Variants in DPP10 observed in about 807,000 individuals in gnomAD.
DPP10 encodes the protein inactive dipeptidyl peptidase 10.
DPP10 carries 33 observed loss-of-function variants against 120.9 expected under a neutral mutation model. The ratio of observed to expected loss-of-function variants is 0.27; its 90% CI spans 0.21 to 0.37. The LOEUF is 0.37. DPP10 is among the 10% of genes least tolerant of loss of function. DPP10 has a pLI of 1.00. For missense variants in DPP10, 816 were observed against 942.8 expected (o/e 0.87, Z 1.76); for synonymous variants, 337 against 326.1 (o/e 1.03, Z -0.36).
intron 7 of DPP10, among the ~76,000 whole-genome samples, chr2:115,693,878 G>A (rs932840408): frequency 2.0e-5 from 3 of 152,014 alleles, no homozygotes; most frequent in African/African-American, 4.8e-5. Context: ...GGTGTTTAAT[G>A]TATGAAATAC....
At chr2:115,393,298 G>A (rs573069030) in intron 3 of DPP10, among the ~76,000 whole-genome samples, 166 of 123,302 alleles carry the variant, frequency 1.3e-3, no homozygotes, top group African/African-American at 4.8e-3. Flanking sequence ...GGGTGACAGA[G>A]GAAGACTGTC....
chr2:115,835,619 A>C (rs998238380), intron 21 of DPP10, among the ~76,000 whole-genome samples: 2 of 152,200 alleles, frequency 1.3e-5, no homozygotes, highest in Non-Finnish European at 2.9e-5. Flanking sequence ...AGGCATATTT[A>C]GGGTGAAATA....
At chr2:115,494,843 C>T (rs922755210) in intron 3 of DPP10, among the ~76,000 whole-genome samples, 11 of 151,948 alleles carry the variant, frequency 7.2e-5, no homozygotes, top group African/African-American at 2.7e-4. Flanking sequence ...AGAGTTTTTT[C>T]TACTTTTTGA....
At chr2:114,633,609 AT>A (rs1221964408) in intron 1 of DPP10, among the ~76,000 whole-genome samples, 3 of 149,834 alleles carry the variant, frequency 2.0e-5, no homozygotes, top group Non-Finnish European at 4.4e-5. Flanking sequence ...ATTTTATTTT[AT>A]TTTTTATTTA....
intron 5 of DPP10, among the ~76,000 whole-genome samples, chr2:115,644,643 G>T (rs2087080318): frequency 6.6e-6 from 1 of 151,560 alleles, no homozygotes; most frequent in African/African-American, 2.4e-5. Flanking sequence ...AGCTAGGCAT[G>T]GTGGCGTGCA....
At chr2:115,391,503 G>A (rs543302997) in intron 3 of DPP10, among the ~76,000 whole-genome samples, 10 of 152,210 alleles carry the variant, frequency 6.6e-5, no homozygotes, top group South Asian at 2.1e-4. Flanking sequence ...GGTGTCAGAC[G>A]AATCTGGATT....
At chr2:115,332,058 C>G (rs548317304) in intron 2 of DPP10, among the ~76,000 whole-genome samples, 111 of 152,084 alleles carry the variant, frequency 7.3e-4, no homozygotes, top group Non-Finnish European at 1.3e-3. Context: ...TGGTCCTGGA[C>G]TTTTTTTGGT....
At chr2:114,681,574 A>G (rs1037009348) in intron 1 of DPP10, among the ~76,000 whole-genome samples, 2 of 152,000 alleles carry the variant, frequency 1.3e-5, no homozygotes, top group Admixed American at 6.6e-5. Flanking sequence ...GGCCCTTTAA[A>G]TGAAATGCCT....
intron 1 of DPP10, among the ~76,000 whole-genome samples, chr2:115,231,120 T>A (rs1285027160): frequency 6.6e-6 from 1 of 152,090 alleles, no homozygotes; most frequent in African/African-American, 2.4e-5. Context: ...TGCATAACTG[T>A]GTTTTAAGTA....
intron 1 of DPP10, among the ~76,000 whole-genome samples, chr2:114,682,505 T>G (rs1322712787): frequency 1.3e-5 from 2 of 151,848 alleles, no homozygotes; most frequent in Admixed American, 6.6e-5. Flanking sequence ...TTTCTTATGC[T>G]TTCCATAGAC....
chr2:115,107,858 C>T (rs1397731799), intron 1 of DPP10, among the ~76,000 whole-genome samples: 1 of 151,978 alleles, frequency 6.6e-6, no homozygotes, highest in Non-Finnish European at 1.5e-5. Context: ...AAGACATTAT[C>T]TTTTATAAAA....
chr2:114,499,413 A>C (rs1458213432), intron 1 of DPP10, among the ~76,000 whole-genome samples: 1 of 152,176 alleles, frequency 6.6e-6, no homozygotes, highest in African/African-American at 2.4e-5. Flanking sequence ...CTCTTTGAAG[A>C]TGTCCTGCAA....
chr2:115,581,530 C>A (rs900146278), intron 5 of DPP10, among the ~76,000 whole-genome samples: 2 of 152,078 alleles, frequency 1.3e-5, no homozygotes, highest in Admixed American at 1.3e-4. Flanking sequence ...GCCGCTCATG[C>A]TACTATACTC....
At chr2:115,798,648 A>G (rs1684815109) in intron 19 of DPP10, among the ~76,000 whole-genome samples, 1 of 152,110 alleles carries the variant, frequency 6.6e-6, no homozygotes, top group South Asian at 2.1e-4. Context: ...GTTCCCTACT[A>G]AAAATTACAG....
In DPP10 at chr2:115,502,841, G is replaced by T. The variant is rs181407583; in HGVS notation, c.366+3237G>T. 3.0e-3 allele frequency among the ~76,000 whole-genome samples: 449 copies of T among 149,882 alleles called. 2 individuals carry two copies. Among genetic ancestry groups the T allele is most frequent in the African/African-American group, 0.011 (430 of 40,826 alleles). On this transcript the variant is annotated intron_variant, in intron 4 of 25. Coordinates refer to ENST00000410059, the MANE Select transcript of DPP10 (RefSeq NM_020868.6). Reference sequence around the variant, plus strand: ...CCTGAGTAGCTAGGACCACAGGTGTGTGCCACCAGGCTCGGCTAATTTTTT... The same window carrying T: ...CCTGAGTAGCTAGGACCACAGGTGTTTGCCACCAGGCTCGGCTAATTTTTT...
intron 9 of DPP10, among the ~76,000 whole-genome samples, chr2:115,740,371 A>C (rs568699085): frequency 6.6e-6 from 1 of 152,294 alleles, no homozygotes; most frequent in South Asian, 2.1e-4. Context: ...TCTTCTATAA[A>C]AAATAGACTA....
At chr2:115,206,039 T>TA (rs1201352488) in intron 1 of DPP10, among the ~76,000 whole-genome samples, 1 of 152,118 alleles carries the variant, frequency 6.6e-6, no homozygotes, top group Non-Finnish European at 1.5e-5. Flanking sequence ...AAGTTGAAAC[T>TA]AAAAATGAGT....
intron 1 of DPP10, among the ~76,000 whole-genome samples, chr2:114,513,370 A>T (rs990885050): frequency 1.4e-4 from 22 of 151,962 alleles, no homozygotes; most frequent in African/African-American, 5.3e-4. Flanking sequence ...AAAATACAAA[A>T]ATTAGCCAAG....
chr2:115,702,338 T>C (rs1000925488), intron 7 of DPP10, among the ~76,000 whole-genome samples: 2 of 151,994 alleles, frequency 1.3e-5, no homozygotes, highest in African/African-American at 2.4e-5. Context: ...ATCCAGCAAT[T>C]CCATTCCTAG....
Sources: allele counts gnomAD v4.1 joint callset (sites outside exome capture counted in the v4.1 genomes callset), GRCh38; gene constraint gnomAD v4.1.1; transcripts MANE v1.5; gene names NCBI Gene and HGNC (gene_info 2026-07-23, HGNC 2026-07-21).